The following ZBED6 variants were observed in gnomAD, a reference collection of about 807,000 sequenced individuals.
ZBED6 encodes zinc finger BED-type containing 6, also known as zinc finger BED domain-containing protein 6.
In ZBED6, 40 loss-of-function variants were observed where a neutral mutation model predicts 58.4. The observed-to-expected ratio is 0.68, with a 90% CI of 0.53 to 0.89. ZBED6 has a LOEUF of 0.89. Ranked by LOEUF, ZBED6 falls within the 40% of genes least tolerant of loss-of-function variation. The pLI is 0.00. For missense variants in ZBED6, 1,057 were observed against 1,003.9 expected (o/e 1.05, Z -0.71); for synonymous variants, 439 against 350.6 (o/e 1.25, Z -2.82).
intron 1 of ZBED6, 33 bp downstream of exon 1, chr1:203,803,049 A>G (rs953938906): frequency 2.0e-5 from 3 of 152,748 alleles, no homozygotes; most frequent in East Asian, 3.9e-4. Context: ...TTCGCATGAA[A>G]GGAGTGAACA....
chr1:203,797,470 G>A lies in ZBED6; in HGVS notation c.-53G>A. ...GAGAGGAACAGCTGTATTTCTGCTT[G>A]AGTAATAAACCCACTAACAGATTCT... On this transcript the variant is annotated 5_prime_UTR_variant, in exon 1 of 17. The change abolishes the stop of an existing upstream ORF in the 5' untranslated region. Coordinates refer to ENST00000550078, the Ensembl canonical transcript of ZBED6. 7.0e-7 allele frequency: 1 copy of A among 1,425,044 alleles called. No individual in the cohort carries two copies. Among genetic ancestry groups the A allele is most frequent in the South Asian group, 1.5e-5 (1 of 64,832 alleles). 88.3% of individuals were successfully genotyped at this position (1,425,044 alleles called of 1,614,324 possible).
exon 12 of ZBED6, chr1:203,847,512 G>C (rs1164291998): frequency 4.3e-6 from 7 of 1,613,818 alleles, no homozygotes; most frequent in African/African-American, 1.3e-5. Flanking sequence ...GACAATCAGA[G>C]GAGCCTGCAG....
rs1280201260 is a variant in ZBED6, at chr1:203,800,207, G to A, written c.2685G>A (p.Trp895Ter). Residue 895 changes from tryptophan to a stop codon, truncating the protein, a stop_gained, in exon 1 of 17, where the codon TGG becomes TGA. Coordinates refer to ENST00000550078, the Ensembl canonical transcript of ZBED6. LOFTEE classifies it high-confidence loss of function. Reference sequence around the variant, plus strand: ...ACTGGCAGAGGAAGATAAGCATATGGCCGGCTTTGACCCAGGTTGCCATCC... The same window carrying A: ...ACTGGCAGAGGAAGATAAGCATATGACCGGCTTTGACCCAGGTTGCCATCC... The A allele has an allele frequency of 6.7e-7, 1 of 1,496,094 alleles. No individual in the cohort carries two copies. The allele number at this position is 1,496,094 out of a possible 1,614,324, so 92.7% of individuals were successfully genotyped here.
chr1:203,828,448 G>A, intron 4 of ZBED6, 26 bp downstream of exon 4: 1 of 1,582,628 alleles, frequency 6.3e-7, no homozygotes, highest in Non-Finnish European at 8.6e-7. Context: ...AATTTTAAAA[G>A]AATATCAAAT....
At chr1:203,825,240 A>C (rs1680135756) in intron 3 of ZBED6, among the ~76,000 whole-genome samples, 1 of 152,062 alleles carries the variant, frequency 6.6e-6, no homozygotes, top group South Asian at 2.1e-4. Context: ...CCAGAGGCCC[A>C]CAGGAACCCA....
At chr1:203,822,716 A>C (rs1679193856) in intron 3 of ZBED6, among the ~76,000 whole-genome samples, 1 of 152,116 alleles carries the variant, frequency 6.6e-6, no homozygotes, top group Non-Finnish European at 1.5e-5. Flanking sequence ...GTACCCTTTC[A>C]TGCACATGTC....
chr1:203,806,798 T>G (rs924912402), intron 1 of ZBED6, among the ~76,000 whole-genome samples: 1 of 151,536 alleles, frequency 6.6e-6, no homozygotes, highest in African/African-American at 2.4e-5. Context: ...ATTTACCAAG[T>G]TTTTGTTGAG....
At chr1:203,852,960 G>C (rs1383288040) in exon 17 of ZBED6, 1 of 156,350 alleles carries the variant, frequency 6.4e-6, no homozygotes, top group Non-Finnish European at 1.4e-5. Flanking sequence ...AGCCTGTAAT[G>C]TGGGCATAAC....
At chr1:203,821,235 C>T (rs1161421084) in intron 3 of ZBED6, among the ~76,000 whole-genome samples, 3 of 152,232 alleles carry the variant, frequency 2.0e-5, no homozygotes, top group Admixed American at 6.5e-5. Context: ...TTGTGTCTTG[C>T]GTCCTGTTCA....
intron 3 of ZBED6, among the ~76,000 whole-genome samples, chr1:203,826,318 AT>A (rs1558119945): frequency 6.6e-6 from 1 of 151,606 alleles, no homozygotes; most frequent in Non-Finnish European, 1.5e-5. Flanking sequence ...CTTTTAAAAA[AT>A]ATTATACTTT....
intron 8 of ZBED6, 75 bp downstream of exon 8, chr1:203,831,846 C>G: frequency 8.3e-7 from 1 of 1,201,374 alleles, no homozygotes; most frequent in Non-Finnish European, 1.2e-6. Flanking sequence ...CCTTGGGTAT[C>G]TTTTACCTTT....
chr1:203,799,462 A>G (rs1481570352), exon 1 of ZBED6: 2 of 703,042 alleles, frequency 2.8e-6, no homozygotes, highest in Non-Finnish European at 5.2e-6. Flanking sequence ...GAAACTGGCC[A>G]TTGGATTTCT....
exon 1 of ZBED6, chr1:203,798,709 A>G: frequency 6.5e-7 from 1 of 1,536,136 alleles, no homozygotes; most frequent in African/African-American, 1.4e-5. Flanking sequence ...CGTGCGCAGG[A>G]GAGAGAAACA....
At chr1:203,828,250 A>G (rs774763016) in intron 3 of ZBED6, 49 bp from the exon 4 acceptor site, 4 of 1,609,980 alleles carry the variant, frequency 2.5e-6, no homozygotes, top group Admixed American at 3.3e-5. Context: ...CCACATGAAT[A>G]TACGTATCAC....
intron 1 of ZBED6, among the ~76,000 whole-genome samples, chr1:203,806,769 T>C (rs1350043655): frequency 6.6e-6 from 1 of 151,832 alleles, no homozygotes; most frequent in Non-Finnish European, 1.5e-5. Flanking sequence ...TGTGCATTTA[T>C]GCTAGGAAGT....
intron 3 of ZBED6, among the ~76,000 whole-genome samples, chr1:203,821,451 G>C (rs1369601440): frequency 6.6e-6 from 1 of 152,118 alleles, no homozygotes; most frequent in African/African-American, 2.4e-5. Flanking sequence ...GATTGACCCA[G>C]ATTTGGCAAG....
In ZBED6 at chr1:203,818,563, T is replaced by G. The variant is rs749300340; in HGVS notation, c.*2754-7T>G. On this transcript the variant is annotated splice_polypyrimidine_tract_variant and splice_region_variant and intron_variant, in intron 2 of 16. Transcript: ENST00000550078. ...CTACAAATAGAGTGTTCTCTATTTG[T>G]TTACAGGGTGACAGCTGCCCATTCC... 3.1e-6 allele frequency: 5 copies of G among 1,613,982 alleles called. No homozygotes were observed. The highest frequency in any genetic ancestry group is 4.2e-6 in the Non-Finnish European group (5 of 1,179,930).
intron 1 of ZBED6, among the ~76,000 whole-genome samples, chr1:203,812,578 A>AGT (rs1674863865): frequency 1.8e-5 from 2 of 109,314 alleles, no homozygotes; most frequent in African/African-American, 7.3e-5. Flanking sequence ...GCCATTCTAA[A>AGT]TTTTTTTTTT....
At chr1:203,815,515 G>A (rs765964061) in intron 1 of ZBED6, among the ~76,000 whole-genome samples, 1 of 151,490 alleles carries the variant, frequency 6.6e-6, no homozygotes, top group Non-Finnish European at 1.5e-5. Flanking sequence ...CACTGCACCC[G>A]GCCTATTTCA....
Sources: gnomAD v4.1 joint callset for allele counts (sites outside exome capture counted in the v4.1 genomes callset) on GRCh38, gnomAD v4.1.1 for gene constraint, MANE v1.5 for transcripts, NCBI Gene and HGNC (gene_info 2026-07-23, HGNC 2026-07-21) for gene names.